The following PPP1CC variants were observed in gnomAD, a reference collection of about 807,000 sequenced individuals.
PPP1CC encodes serine/threonine-protein phosphatase PP1-gamma catalytic subunit.
PPP1CC carries 16 observed loss-of-function variants against 38.4 expected under a neutral mutation model. The observed-to-expected ratio is 0.42, with a 90% confidence interval of 0.28 to 0.63. PPP1CC has a LOEUF of 0.63. PPP1CC is among the 30% of genes least tolerant of loss of function. The pLI is 0.25. For missense variants in PPP1CC, 170 were observed against 391.3 expected (o/e 0.43, Z 4.77); for synonymous variants, 158 against 136.0 (o/e 1.16, Z -1.13).
intron 1 of PPP1CC, among the ~76,000 whole-genome samples, chr12:110,739,712 C>T (rs2069991854): frequency 6.6e-6 from 1 of 152,156 alleles, no homozygotes; most frequent in Admixed American, 6.6e-5. Flanking sequence ...AAAGATGCTT[C>T]TTGCAAACCA....
intron 3 of PPP1CC, 100 bp downstream of exon 3, chr12:110,730,429 C>T (rs751128835): frequency 3.1e-4 from 290 of 937,910 alleles, no homozygotes; most frequent in Non-Finnish European, 4.3e-4. Flanking sequence ...GATACCACTG[C>T]ATCTAAACTC....
intron 3 of PPP1CC, 143 bp downstream of exon 3, chr12:110,730,386 A>T (rs2069858708): frequency 1.3e-6 from 1 of 756,744 alleles, no homozygotes; most frequent in African/African-American, 1.8e-5. Context: ...GCTAAGCTAA[A>T]AACAAGTTGA....
chr12:110,736,550 G>GGGA (rs2069946829), intron 1 of PPP1CC, among the ~76,000 whole-genome samples: 1 of 152,112 alleles, frequency 6.6e-6, no homozygotes, highest in African/African-American at 2.4e-5. Flanking sequence ...AGGCTAAGAT[G>GGGA]GGAGGATCAC....
intron 1 of PPP1CC, among the ~76,000 whole-genome samples, chr12:110,742,371 G>T (rs981761109): frequency 2.6e-5 from 4 of 152,142 alleles, no homozygotes; most frequent in Non-Finnish European, 5.9e-5. Context: ...GGGAAACGTG[G>T]GGGTGGGGAG....
At chr12:110,731,702 C>T (rs1380273566) in intron 2 of PPP1CC, 68 bp downstream of exon 2, 1 of 1,522,652 alleles carries the variant, frequency 6.6e-7, no homozygotes, top group Non-Finnish European at 9.0e-7. Flanking sequence ...AATACAAGGT[C>T]ATCAACATAT....
chr12:110,733,138 T>G (rs939519300), intron 1 of PPP1CC, among the ~76,000 whole-genome samples: 2 of 152,038 alleles, frequency 1.3e-5, no homozygotes, highest in Admixed American at 1.3e-4. Context: ...ACATACAGAG[T>G]TAGAACTCAG....
rs967890678 is a variant in PPP1CC at position 110,736,004 on chromosome 12, A to G, written c.56-4103T>C. On this transcript the variant is annotated intron_variant, in intron 1 of 6. Coordinates refer to ENST00000335007, the MANE Select transcript of PPP1CC (RefSeq NM_002710.4). ...CGCTGGAACCCACGGGGCAGGTTGC[A>G]GTGAGCCCAGATCGCATCATCACAC... 2.9e-4 allele frequency among the ~76,000 whole-genome samples: 44 copies of G among 152,242 alleles called. 1 individual carries two copies. Among genetic ancestry groups the G allele is most frequent in the Admixed American group, 2.6e-3 (40 of 15,290 alleles).
At chr12:110,724,244 C>T (rs1345063348) in intron 4 of PPP1CC, among the ~76,000 whole-genome samples, 1 of 151,426 alleles carries the variant, frequency 6.6e-6, no homozygotes, top group East Asian at 1.9e-4. Flanking sequence ...TCTCAAAAAA[C>T]AAAAACAAAA....
intron 4 of PPP1CC, 40 bp downstream of exon 4, chr12:110,724,619 AG>A (rs1228977536): frequency 8.6e-7 from 1 of 1,160,060 alleles, no homozygotes; most frequent in South Asian, 1.2e-5. Context: ...ACCCTTTGGA[AG>A]GGATCAAAAC....
chr12:110,741,586 C>T (rs1029235290), intron 1 of PPP1CC, among the ~76,000 whole-genome samples: 2 of 152,128 alleles, frequency 1.3e-5, no homozygotes, highest in African/African-American at 4.8e-5. Flanking sequence ...AATCAATTGC[C>T]AGGCACCTCA....
intron 1 of PPP1CC, among the ~76,000 whole-genome samples, chr12:110,733,304 C>T (rs757020524): frequency 6.6e-6 from 1 of 152,134 alleles, no homozygotes; most frequent in Non-Finnish European, 1.5e-5. Flanking sequence ...CTTCTGGTTT[C>T]AACGTGAATT....
downstream of PPP1CC, among the ~76,000 whole-genome samples, chr12:110,717,475 GCTCCAC>G (rs1453076094): frequency 7.2e-5 from 11 of 152,210 alleles, no homozygotes; most frequent in African/African-American, 2.6e-4. Flanking sequence ...CTCACTGCAA[GCTCCAC>G]CTCCCAGGTT....
chr12:110,742,150 C>T (rs1242289641), intron 1 of PPP1CC, among the ~76,000 whole-genome samples: 2 of 152,120 alleles, frequency 1.3e-5, no homozygotes, highest in Non-Finnish European at 2.9e-5. Context: ...CCCAAGACCC[C>T]AGAACCACGA....
At chr12:110,723,047 TATA>T (rs1269803672) in intron 4 of PPP1CC, among the ~76,000 whole-genome samples, 1 of 152,250 alleles carries the variant, frequency 6.6e-6, no homozygotes. Context: ...ATTGATGGCT[TATA>T]ATGACTGAGC....
intron 4 of PPP1CC, among the ~76,000 whole-genome samples, chr12:110,723,901 G>C (rs2069766421): frequency 6.6e-6 from 1 of 152,110 alleles, no homozygotes; most frequent in African/African-American, 2.4e-5. Context: ...GTGTTCTAGA[G>C]GATCTCTGGC....
At chr12:110,712,015 G>A in the PPP1CC span, among the ~76,000 whole-genome samples, 1 of 152,124 alleles carries the variant, frequency 6.6e-6, no homozygotes, top group Non-Finnish European at 1.5e-5. Context: ...CCGCATATGT[G>A]ATGGTGGTCC....
the PPP1CC span, among the ~76,000 whole-genome samples, chr12:110,710,180 G>A: frequency 6.6e-6 from 1 of 151,882 alleles, no homozygotes; most frequent in African/African-American, 2.4e-5. Flanking sequence ...ACAGAATGAG[G>A]TCTAATACAC....
At chr12:110,735,143 T>C (rs999783227) in intron 1 of PPP1CC, among the ~76,000 whole-genome samples, 1 of 151,166 alleles carries the variant, frequency 6.6e-6, no homozygotes, top group Non-Finnish European at 1.5e-5. Flanking sequence ...AACCTCCACC[T>C]CCTGGGTTCA....
chr12:110,714,805 C>CAAAAA (rs1164975036), downstream of PPP1CC, among the ~76,000 whole-genome samples: 113 of 22,046 alleles, frequency 5.1e-3, 7 homozygotes, highest in Non-Finnish European at 5.7e-3. Flanking sequence ...GACTCTGTCT[C>CAAAAA]AAAAAAAAAA....
Sources: allele counts gnomAD v4.1 joint callset (sites outside exome capture counted in the v4.1 genomes callset), GRCh38; gene constraint gnomAD v4.1.1; transcripts MANE v1.5; gene names NCBI Gene and HGNC (gene_info 2026-07-23, HGNC 2026-07-21).